Variants in LRRC3 observed in about 807,000 individuals in gnomAD.
The protein encoded by LRRC3 is leucine-rich repeat-containing protein 3.
For missense variants in LRRC3, 351 were observed against 361.6 expected, an observed-to-expected ratio of 0.97 and a Z score of 0.24; for synonymous variants, 172 against 164.1, an observed-to-expected ratio of 1.05 and a Z score of -0.37.
rs1288977126 is a variant in LRRC3 at position 44,455,598 on chromosome 21, C to G, written c.-205C>G. The G allele has an allele frequency of 6.6e-6, 1 of 151,562 alleles. No individual in the cohort carries two copies. Among genetic ancestry groups the G allele is most frequent in the Non-Finnish European group, 1.5e-5 (1 of 67,826 alleles). 9.4% of individuals were successfully genotyped at this position (151,562 alleles called of 1,614,324 possible). A position where few individuals can be genotyped will look rare whatever the true frequency, so the allele number is the denominator to read the frequency against. The stretch of plus-strand genomic sequence containing the variant: ...GCGCCAGGCGTGGAGCTGGGTCTGG[C>G]GGGCTCCGAGAGGCCCGGGAGCGGC... On this transcript the variant is annotated 5_prime_UTR_variant, in exon 1 of 2. Transcript: ENST00000291592.
rs375438678 is a variant in LRRC3, at chr21:44,457,368, T to C, written c.724T>C (p.Ser242Pro). Reference protein sequence around the residue: ...DARRHLEYLKSLPSAPASKDP... With the variant: ...DARRHLEYLKPLPSAPASKDP... ...CCGGAGGCACCTGGAGTACCTGAAG[T>C]CTCTGCCCAGCGCCCCCGCCTCCAA... The change falls in exon 2 of 2, where the codon TCT becomes CCT. Residue 242 changes from serine to proline, a missense_variant. Transcript: ENST00000291592. The C allele has an allele frequency of 3.5e-5, 56 of 1,606,680 alleles. No individual in the cohort carries two copies. The highest frequency in any genetic ancestry group is 4.3e-5 in the Non-Finnish European group (50 of 1,174,960).
At position 44,457,110 on chromosome 21, in the gene LRRC3, GC is replaced by G; in HGVS notation, c.469del (p.Leu157CysfsTer4). 6.2e-7 allele frequency: 1 copy of G among 1,611,958 alleles called. No homozygotes were observed. The highest frequency in any genetic ancestry group is 8.5e-7 in the Non-Finnish European group (1 of 1,180,020). ...GCACTGCGAGTGCGCCCTGCAGGAGGCCCTGTGGGAGCTGAAGCTGGACCCC... is the reference window on the plus strand; with the variant it reads ...GCACTGCGAGTGCGCCCTGCAGGAGGCCTGTGGGAGCTGAAGCTGGACCCC... Reference protein sequence around the residue: ...PLHCECALQEALWELKLDPDS... With the variant: ...PLHCECALQEXLWELKLDPDS... On this transcript the variant is annotated frameshift_variant, in exon 2 of 2. Coordinates refer to ENST00000291592, the MANE Select transcript of LRRC3 (RefSeq NM_030891.6). LOFTEE classifies it low-confidence loss of function (END_TRUNC).
rs2051724413 is a variant in LRRC3 at position 44,458,699 on chromosome 21, C to T, written c.*1281C>T. ...ACCTCCACCTATATGATAGTAATTCCTAATTTTATTTTTTATTGTCCTTTT... is the reference window on the plus strand; with the variant it reads ...ACCTCCACCTATATGATAGTAATTCTTAATTTTATTTTTTATTGTCCTTTT... On this transcript the variant is annotated 3_prime_UTR_variant, in exon 2 of 2. Coordinates refer to ENST00000291592, the MANE Select transcript of LRRC3 (RefSeq NM_030891.6). The T allele has an allele frequency of 6.0e-6, 1 of 166,984 alleles. No individual in the cohort carries two copies. Among genetic ancestry groups the T allele is most frequent in the Non-Finnish European group, 1.5e-5 (1 of 68,118 alleles). 10.3% of individuals were successfully genotyped at this position (166,984 alleles called of 1,614,324 possible). A position where few individuals can be genotyped will look rare whatever the true frequency, so the allele number is the denominator to read the frequency against.
At chr21:44,456,085 G>C (rs971444124) in intron 1 of LRRC3, among the ~76,000 whole-genome samples, 1 of 152,166 alleles carries the variant, frequency 6.6e-6, no homozygotes, top group Non-Finnish European at 1.5e-5. Context: ...TGCCCAGCTT[G>C]ACCCGCGCTC....
rs1285456180 is a variant in LRRC3, at chr21:44,456,698, G to A, written c.54G>A (p.Glu18=). Reference sequence around the variant, plus strand: ...CGCTCCTGCTGGTCTCCACCCGGGAGTCTTGTCTCTTCCTCCTCTTCTGCC... The same window carrying A: ...CGCTCCTGCTGGTCTCCACCCGGGAATCTTGTCTCTTCCTCCTCTTCTGCC... ...RPSLLLVSTR[E]SCLFLLFCLH... Residue 18 remains glutamate (E), a synonymous_variant, in exon 2 of 2, where the codon GAG becomes GAA. Coordinates refer to ENST00000291592, the MANE Select transcript of LRRC3 (RefSeq NM_030891.6). 6.2e-7 allele frequency: 1 copy of A among 1,609,312 alleles called. No individual in the cohort carries two copies. Among genetic ancestry groups the A allele is most frequent in the Non-Finnish European group, 8.5e-7 (1 of 1,179,542 alleles).
rs1377338694 is a variant in LRRC3 at position 44,457,460 on chromosome 21, T to C, written c.*42T>C. 6.5e-7 allele frequency: 1 copy of C among 1,534,662 alleles called. No homozygotes were observed. The highest frequency in any genetic ancestry group is 8.8e-7 in the Non-Finnish European group (1 of 1,138,832). On this transcript the variant is annotated 3_prime_UTR_variant, in exon 2 of 2. Coordinates refer to ENST00000291592, the MANE Select transcript of LRRC3 (RefSeq NM_030891.6). Reference sequence around the variant, plus strand: ...CCCCCGCCGGTGGCTGCTGTCACTTTTGTAGTAGGTGGTGACTGATGCTGC... The same window carrying C: ...CCCCCGCCGGTGGCTGCTGTCACTTCTGTAGTAGGTGGTGACTGATGCTGC...
Position 44,457,271 on chromosome 21 carries a change from C to T in LRRC3, c.627C>T (p.Val209=), listed in dbSNP as rs1244494205. The change falls in exon 2 of 2, where the codon GTC becomes GTT. Residue 209 remains valine (V), a synonymous_variant. Transcript: ENST00000291592. ...PHRTTDVAML[V]TMFGWFAMVI... ...GGACCACAGACGTGGCCATGCTGGT[C>T]ACCATGTTCGGCTGGTTCGCCATGG... 2 of 1,613,936 alleles carry T rather than the reference C, an allele frequency of 1.2e-6. No homozygotes were observed. The highest frequency in any genetic ancestry group is 1.1e-5 in the South Asian group (1 of 91,084).
chr21:44,456,891 G>T lies in LRRC3; in HGVS notation c.247G>T (p.Ala83Ser), dbSNP rs1329982280. 3.1e-6 allele frequency: 5 copies of T among 1,610,318 alleles called. No homozygotes were observed. The highest frequency in any genetic ancestry group is 4.2e-6 in the Non-Finnish European group (5 of 1,178,522). The change falls in exon 2 of 2, where the codon GCC becomes TCC. Residue 83 changes from alanine (A) to serine (S), a missense_variant. By Grantham distance (99) the Ala-to-Ser change is moderately conservative (BLOSUM62 1). Transcript: ENST00000291592. ...CAAGATCTCCCACCTCCCGGACGGG[G>T]CCTTCCAGCACCTGCACCGGCTCAG... is the stretch of plus-strand genomic sequence containing the variant. ...ANKISHLPDG[A>S]FQHLHRLREL...
In LRRC3 at chr21:44,457,098, G is replaced by A. The variant is rs755355466; in HGVS notation, c.454G>A (p.Ala152Thr). 19 of 1,610,968 alleles carry A rather than the reference G, an allele frequency of 1.2e-5. No individual in the cohort carries two copies. Among genetic ancestry groups the A allele is most frequent in the African/African-American group, 6.7e-5 (5 of 74,940 alleles). Residue 152 changes from alanine to threonine, a missense_variant, in exon 2 of 2, where the codon GCC (alanine) becomes ACC (threonine). Ala to Thr is a moderately conservative substitution (Grantham distance 58). Coordinates refer to ENST00000291592, the MANE Select transcript of LRRC3 (RefSeq NM_030891.6). ...LSHNPLHCEC[A>T]LQEALWELKL... Reference sequence around the variant, plus strand: ...CCACAACCCCCTGCACTGCGAGTGCGCCCTGCAGGAGGCCCTGTGGGAGCT... The same window carrying A: ...CCACAACCCCCTGCACTGCGAGTGCACCCTGCAGGAGGCCCTGTGGGAGCT...
In LRRC3 at chr21:44,455,538, G is replaced by C. The variant is rs1383311028; in HGVS notation, c.-265G>C. 3.3e-5 allele frequency: 5 copies of C among 151,540 alleles called. No homozygotes were observed. Among genetic ancestry groups the C allele is most frequent in the Non-Finnish European group, 1.5e-5 (1 of 67,806 alleles). The allele number at this position is 151,540 out of a possible 1,614,324, so 9.4% of individuals were successfully genotyped here. ...GTCGCGGCCTCCCCAGCTAGTGGTC[G>C]CGGGCGCGGTCGCAGGGGCAGCGGG... On this transcript the variant is annotated 5_prime_UTR_variant, in exon 1 of 2. Transcript: ENST00000291592.
chr21:44,457,570 G>A lies in LRRC3; in HGVS notation c.*152G>A. The A allele has an allele frequency of 1.1e-6, 1 of 870,192 alleles. No homozygotes were observed. Among genetic ancestry groups the A allele is most frequent in the South Asian group, 1.9e-5 (1 of 52,900 alleles). 53.9% of individuals were successfully genotyped at this position (870,192 alleles called of 1,614,324 possible). ...GCACAGCAGCACCTCCAGGCTGGGT[G>A]GTTTTGCCACACATCCGTGTGACGG... On this transcript the variant is annotated 3_prime_UTR_variant, in exon 2 of 2. Coordinates refer to ENST00000291592, the MANE Select transcript of LRRC3 (RefSeq NM_030891.6).
chr21:44,456,826 A>T lies in LRRC3; in HGVS notation c.182A>T (p.Asp61Val), dbSNP rs2051705388. The change falls in exon 2 of 2, where the codon GAC becomes GTC. Residue 61 changes from aspartate to valine, a missense_variant. Coordinates refer to ENST00000291592, the MANE Select transcript of LRRC3 (RefSeq NM_030891.6). ...CGGGGCCTTCAGGAGGTCCCCGAGG[A>T]CATCCCGGCCAACACCGTGCTCCTG... ...SLRGLQEVPE[D>V]IPANTVLLKL... 6.2e-7 allele frequency: 1 copy of T among 1,611,740 alleles called. No individual in the cohort carries two copies. The highest frequency in any genetic ancestry group is 1.1e-5 in the South Asian group (1 of 91,040).
chr21:44,456,470 C>A, intron 1 of LRRC3, 28 bp from the exon 2 acceptor site: 2 of 688,682 alleles, frequency 2.9e-6, no homozygotes, highest in Non-Finnish European at 4.8e-6. Flanking sequence ...CCCTCCCTCT[C>A]CGCTCCCTCC....
At position 44,456,861 on chromosome 21, in the gene LRRC3, G is replaced by A. The variant is rs1365340493; in HGVS notation, c.217G>A (p.Ala73Thr). Residue 73 changes from alanine (A) to threonine (T), a missense_variant, in exon 2 of 2, where the codon GCC becomes ACC. By Grantham distance (58) the Ala-to-Thr change is moderately conservative. Coordinates refer to ENST00000291592, the MANE Select transcript of LRRC3 (RefSeq NM_030891.6). ...PANTVLLKLD[A>T]NKISHLPDGA... Reference sequence around the variant, plus strand: ...CAACACCGTGCTCCTGAAGCTCGATGCCAACAAGATCTCCCACCTCCCGGA... The same window carrying A: ...CAACACCGTGCTCCTGAAGCTCGATACCAACAAGATCTCCCACCTCCCGGA... The A allele has an allele frequency of 1.9e-6, 3 of 1,609,958 alleles. No homozygotes were observed. The highest frequency in any genetic ancestry group is 1.7e-5 in the Admixed American group (1 of 59,884).
rs952347530 is a variant in LRRC3 at position 44,461,802 on chromosome 21, G to A, written c.*4384G>A. On this transcript the variant is annotated 3_prime_UTR_variant, in exon 2 of 2. Coordinates refer to ENST00000291592, the MANE Select transcript of LRRC3 (RefSeq NM_030891.6). Reference sequence around the variant, plus strand: ...GCCAAGGCAGCAAGGCAAGGAGCCCGGCTTCTAAGGAACTCTGAGCAGGTG... The same window carrying A: ...GCCAAGGCAGCAAGGCAAGGAGCCCAGCTTCTAAGGAACTCTGAGCAGGTG... 6.6e-6 allele frequency: 1 copy of A among 152,378 alleles called. No homozygotes were observed. The highest frequency in any genetic ancestry group is 1.5e-5 in the Non-Finnish European group (1 of 68,148). The allele number at this position is 152,378 out of a possible 1,614,324, so 9.4% of individuals were successfully genotyped here.
In LRRC3 at chr21:44,460,434, T is replaced by A. The variant is rs2051736618; in HGVS notation, c.*3016T>A. Reference sequence around the variant, plus strand: ...CTCCATGCTGCACTGATTGCAAGAGTTTCCCACATCTGCAGAGGCCGTGGG... The same window carrying A: ...CTCCATGCTGCACTGATTGCAAGAGATTCCCACATCTGCAGAGGCCGTGGG... On this transcript the variant is annotated 3_prime_UTR_variant, in exon 2 of 2. Coordinates refer to ENST00000291592, the MANE Select transcript of LRRC3 (RefSeq NM_030891.6). 6.6e-6 allele frequency: 1 copy of A among 152,140 alleles called. No individual in the cohort carries two copies. Among genetic ancestry groups the A allele is most frequent in the African/African-American group, 2.4e-5 (1 of 41,338 alleles). 9.4% of individuals were successfully genotyped at this position (152,140 alleles called of 1,614,324 possible). A position where few individuals can be genotyped will look rare whatever the true frequency, so the allele number is the denominator to read the frequency against.
Position 44,457,591 on chromosome 21 carries a change from G to C in LRRC3, c.*173G>C. Reference sequence around the variant, plus strand: ...GGGTGGTTTTGCCACACATCCGTGTGACGGATGAGGAACCTGAAGCTTAGA... The same window carrying C: ...GGGTGGTTTTGCCACACATCCGTGTCACGGATGAGGAACCTGAAGCTTAGA... On this transcript the variant is annotated 3_prime_UTR_variant, in exon 2 of 2. Transcript: ENST00000291592. 7.6e-6 allele frequency: 5 copies of C among 655,320 alleles called. No homozygotes were observed. The highest frequency in any genetic ancestry group is 1.8e-5 in the African/African-American group (1 of 54,414). The allele number at this position is 655,320 out of a possible 1,614,324, so 40.6% of individuals were successfully genotyped here.
Position 44,457,513 on chromosome 21 carries a change from C to T in LRRC3, c.*95C>T. The T allele has an allele frequency of 7.3e-7, 1 of 1,374,614 alleles. No individual in the cohort carries two copies. The highest frequency in any genetic ancestry group is 9.8e-7 in the Non-Finnish European group (1 of 1,018,596). 85.2% of individuals were successfully genotyped at this position (1,374,614 alleles called of 1,614,324 possible). A position where few individuals can be genotyped will look rare whatever the true frequency, so the allele number is the denominator to read the frequency against. Reference sequence around the variant, plus strand: ...TTGCTCTTCCCTGAGGCAGGTGTCACAGCCATGTGTGCTCCCCACTGTTGC... The same window carrying T: ...TTGCTCTTCCCTGAGGCAGGTGTCATAGCCATGTGTGCTCCCCACTGTTGC... On this transcript the variant is annotated 3_prime_UTR_variant, in exon 2 of 2. Coordinates refer to ENST00000291592, the MANE Select transcript of LRRC3 (RefSeq NM_030891.6).
Position 44,456,627 on chromosome 21 carries a change from T to A in LRRC3, c.-18T>A. On this transcript the variant is annotated 5_prime_UTR_variant, in exon 2 of 2. Coordinates refer to ENST00000291592, the MANE Select transcript of LRRC3 (RefSeq NM_030891.6). ...CCTAGCAGAGGCTCGCGTGTCCCCG[T>A]CCCCAGGTCAGGTCAGGATGGGCAC... 1 of 1,562,226 alleles carries A rather than the reference T, an allele frequency of 6.4e-7. No individual in the cohort carries two copies.
Sources: allele counts gnomAD v4.1 joint callset (sites outside exome capture counted in the v4.1 genomes callset), GRCh38; gene constraint gnomAD v4.1.1; transcripts MANE v1.5; gene names NCBI Gene and HGNC (gene_info 2026-07-23, HGNC 2026-07-21).